The following ADCY8 variants were observed in gnomAD, a reference collection of about 807,000 sequenced individuals.
ADCY8 encodes the protein adenylate cyclase 8.
Under a neutral mutation model 119.7 loss-of-function variants are expected in ADCY8, and 51 were observed. The observed-to-expected ratio is 0.43, with a 90% CI of 0.34 to 0.54. The LOEUF (loss-of-function observed/expected upper bound fraction) is 0.54. Ranked by LOEUF, ADCY8 falls within the 20% of genes least tolerant of loss-of-function variation. ADCY8 has a pLI of 0.03. For synonymous variants in ADCY8, 665 were observed against 651.0 expected, an observed-to-expected ratio of 1.02 and a Z score of -0.33; for missense variants, 1,383 against 1,598.8, an observed-to-expected ratio of 0.87 and a Z score of 2.30.
intron 6 of ADCY8, among the ~76,000 whole-genome samples, chr8:130,907,538 A>C (rs572378952): frequency 2.0e-5 from 3 of 152,174 alleles, no homozygotes; most frequent in Non-Finnish European, 4.4e-5. Context: ...TTTAAGGCGG[A>C]TAATGTTTTC....
intron 2 of ADCY8, 141 bp from the exon 3 acceptor site, chr8:130,952,139 A>G (rs1821293736): frequency 1.0e-6 from 1 of 958,920 alleles, no homozygotes; most frequent in Non-Finnish European, 1.5e-6. Context: ...GAATACAACA[A>G]ATATTTATTG....
chr8:131,038,504 C>A (rs1160080646), intron 1 of ADCY8, among the ~76,000 whole-genome samples: 1 of 152,056 alleles, frequency 6.6e-6, no homozygotes, highest in Admixed American at 6.5e-5. Flanking sequence ...ACAATAGAAA[C>A]ATTGTCTACT....
chr8:130,901,162 A>T (rs1819586161), intron 7 of ADCY8, among the ~76,000 whole-genome samples: 1 of 151,502 alleles, frequency 6.6e-6, no homozygotes. Flanking sequence ...AGTGAAACGG[A>T]TATAATTTCT....
At chr8:130,922,624 C>T (rs986615289) in intron 5 of ADCY8, among the ~76,000 whole-genome samples, 14 of 152,178 alleles carry the variant, frequency 9.2e-5, no homozygotes, top group South Asian at 6.3e-4. Context: ...TACACAGACA[C>T]GGCAACCATC....
intron 1 of ADCY8, among the ~76,000 whole-genome samples, chr8:131,012,540 C>T (rs757116801): frequency 4.6e-5 from 7 of 152,232 alleles, no homozygotes; most frequent in Middle Eastern, 3.4e-3. Flanking sequence ...AGGGGTGCAC[C>T]GTGGTGGATC....
At chr8:130,845,257 A>G (rs1216092859) in intron 11 of ADCY8, among the ~76,000 whole-genome samples, 3 of 152,290 alleles carry the variant, frequency 2.0e-5, no homozygotes, top group African/African-American at 4.8e-5. Flanking sequence ...GGTCAAGGGT[A>G]TACAATATTA....
intron 5 of ADCY8, among the ~76,000 whole-genome samples, chr8:130,935,975 T>G (rs1429119585): frequency 6.6e-6 from 1 of 152,214 alleles, no homozygotes; most frequent in African/African-American, 2.4e-5. Context: ...AGGCTGGCTG[T>G]ACCTTTGTCT....
At chr8:130,817,610 C>G (rs10098452) in intron 13 of ADCY8, among the ~76,000 whole-genome samples, 1 of 152,000 alleles carries the variant, frequency 6.6e-6, no homozygotes. Context: ...AGATGTGACA[C>G]GTTTAGCTTA....
At chr8:130,947,242 G>C (rs1247994228) in intron 3 of ADCY8, among the ~76,000 whole-genome samples, 4 of 152,192 alleles carry the variant, frequency 2.6e-5, no homozygotes, top group Admixed American at 1.3e-4. Context: ...CGTGGTCCCT[G>C]TGTAGACTCC....
chr8:130,830,677 T>A (rs900437170), intron 12 of ADCY8, among the ~76,000 whole-genome samples: 1 of 152,210 alleles, frequency 6.6e-6, no homozygotes, highest in Non-Finnish European at 1.5e-5. Context: ...TTCACTGTCA[T>A]TGCCTCTTCC....
intron 3 of ADCY8, among the ~76,000 whole-genome samples, chr8:130,948,293 T>G (rs1468171640): frequency 6.6e-6 from 1 of 152,138 alleles, no homozygotes; most frequent in Non-Finnish European, 1.5e-5. Flanking sequence ...ACAGGAAAGA[T>G]CAATACAATC....
chr8:130,897,459 T>A (rs1463246070), intron 7 of ADCY8, among the ~76,000 whole-genome samples: 1 of 151,844 alleles, frequency 6.6e-6, no homozygotes, highest in Non-Finnish European at 1.5e-5. Context: ...TGTTTGTTTG[T>A]TTTTACTACT....
chr8:130,943,417 G>C lies in ADCY8; in HGVS notation c.1287C>G (p.Thr429=), dbSNP rs764480857. 8.2e-6 allele frequency: 13 copies of C among 1,586,300 alleles called. No individual in the cohort carries two copies. The highest frequency in any genetic ancestry group is 1.0e-5 in the Non-Finnish European group (12 of 1,162,708). ...TCCTGACCAGCTCCTGAGCAGACAA[G>C]GTCGTGGAGAGGTTGGTAAATCCTT... ...DVKGFTNLST[T]LSAQELVRML... Residue 429 remains threonine (T), a synonymous_variant, in exon 4 of 18, where the codon ACC becomes ACG. Transcript: ENST00000286355.
intron 2 of ADCY8, among the ~76,000 whole-genome samples, chr8:130,987,440 C>T (rs1237494370): frequency 6.6e-6 from 1 of 152,024 alleles, no homozygotes; most frequent in African/African-American, 2.4e-5. Context: ...ATAAACCCTC[C>T]ATAAAGAAAT....
At chr8:131,003,869 A>G (rs1823030698) in intron 1 of ADCY8, among the ~76,000 whole-genome samples, 1 of 152,028 alleles carries the variant, frequency 6.6e-6, no homozygotes, top group African/African-American at 2.4e-5. Context: ...GTGGGAGAAG[A>G]AGGAGGAGGT....
intron 5 of ADCY8, chr8:130,935,570 A>G (rs1321861954): frequency 1.3e-5 from 2 of 152,264 alleles, no homozygotes; most frequent in Admixed American, 1.3e-4. Flanking sequence ...TTGCAAGACA[A>G]TGTGCTACAG....
intron 1 of ADCY8, among the ~76,000 whole-genome samples, chr8:131,001,105 C>A (rs1822932266): frequency 6.6e-6 from 1 of 152,150 alleles, no homozygotes; most frequent in Non-Finnish European, 1.5e-5. Flanking sequence ...ATATCTCTAT[C>A]TTTAAATGGA....
At chr8:130,972,710 G>A (rs147218726) in intron 2 of ADCY8, among the ~76,000 whole-genome samples, 9 of 152,212 alleles carry the variant, frequency 5.9e-5, no homozygotes, top group South Asian at 2.1e-4. Context: ...TTAGGAAACC[G>A]CACGAATGAA....
chr8:130,843,266 A>G (rs971448674), intron 11 of ADCY8, among the ~76,000 whole-genome samples: 1 of 152,210 alleles, frequency 6.6e-6, no homozygotes, highest in African/African-American at 2.4e-5. Flanking sequence ...GGGAACAAAA[A>G]TTATTCTCAG....
Sources: gnomAD v4.1 joint callset for allele counts (sites outside exome capture counted in the v4.1 genomes callset) on GRCh38, gnomAD v4.1.1 for gene constraint, MANE v1.5 for transcripts, NCBI Gene and HGNC (gene_info 2026-07-23, HGNC 2026-07-21) for gene names.